FSIP2: variants seen among roughly 807,000 people sequenced by gnomAD.
FSIP2 encodes the protein fibrous sheath interacting protein 2, also known as fibrous sheath-interacting protein 2.
In FSIP2, 367 loss-of-function variants were observed where a neutral mutation model predicts 510.5. That is an observed-to-expected ratio of 0.72 (90% CI 0.66 to 0.78). The LOEUF is 0.78. Among genes scored for constraint, FSIP2 ranks in the 30% least tolerant of loss-of-function variants. The probability of loss-of-function intolerance (pLI) is 0.00; values close to 1 mark genes in which losing one functional copy is unlikely to be tolerated. For synonymous variants in FSIP2, 2,601 were observed against 2,732.2 expected, an observed-to-expected ratio of 0.95 and a Z score of 1.50; for missense variants, 7,594 against 7,901.7, an observed-to-expected ratio of 0.96 and a Z score of 1.48.
intron 17 of FSIP2, among the ~76,000 whole-genome samples, chr2:185,811,455 C>T (rs938345846): frequency 2.2e-5 from 3 of 137,496 alleles, no homozygotes; most frequent in South Asian, 2.2e-4. Context: ...GGTGACAAAG[C>T]GAGACTCCAC....
chr2:185,801,249 A>G lies in FSIP2; in HGVS notation c.11943A>G (p.Ser3981=). 6.5e-7 allele frequency: 1 copy of G among 1,534,214 alleles called. No homozygotes were observed. The highest frequency in any genetic ancestry group is 8.7e-7 in the Non-Finnish European group (1 of 1,145,580). ...CCACATTTTTGGAAGGAATAATTTC[A>G]GAATTGTTTTTTAATCTCTCTATGT... The part of the protein sequence containing the change: ...YSATFLEGII[S]ELFFNLSMSL... Residue 3981 remains serine (S), a synonymous_variant, in exon 17 of 23, where the codon TCA becomes TCG. Coordinates refer to ENST00000424728, the MANE Select transcript of FSIP2 (RefSeq NM_173651.4).
chr2:185,829,899 C>T (rs1394680175), intron 21 of FSIP2, among the ~76,000 whole-genome samples: 1 of 151,822 alleles, frequency 6.6e-6, no homozygotes, highest in East Asian at 2.0e-4. Flanking sequence ...GAAAGAGGAA[C>T]CTCAAAAATC....
At chr2:185,761,173 A>G (rs1169646996) in intron 10 of FSIP2, 70 bp downstream of exon 10, 3 of 587,054 alleles carry the variant, frequency 5.1e-6, no homozygotes, top group Non-Finnish European at 8.6e-6. Context: ...ATTTCTATGA[A>G]CTCTCTCCTT....
At chr2:185,814,181 G>A in intron 18 of FSIP2, 139 bp downstream of exon 18, 4 of 848,592 alleles carry the variant, frequency 4.7e-6, no homozygotes, top group East Asian at 2.7e-5. Context: ...ACAGGATAAG[G>A]GAAATTATTA....
At chr2:185,818,976 A>G (rs1371154902) in intron 19 of FSIP2, among the ~76,000 whole-genome samples, 2 of 151,914 alleles carry the variant, frequency 1.3e-5, no homozygotes, top group African/African-American at 2.4e-5. Context: ...TTTATTTTCT[A>G]AAGGATTTAA....
chr2:185,769,494 TAA>T (rs1161115026), intron 13 of FSIP2, among the ~76,000 whole-genome samples: 1 of 152,174 alleles, frequency 6.6e-6, no homozygotes, highest in Non-Finnish European at 1.5e-5. Context: ...CTTATAAATT[TAA>T]GTTACTTACA....
intron 8 of FSIP2, among the ~76,000 whole-genome samples, chr2:185,755,112 A>T (rs1350156826): frequency 6.6e-6 from 1 of 151,482 alleles, no homozygotes; most frequent in Admixed American, 6.6e-5. Context: ...TGTAAATTAC[A>T]TGCCAAAAAG....
intron 18 of FSIP2, 43 bp downstream of exon 18, chr2:185,814,085 A>G (rs374198639): frequency 1.3e-6 from 2 of 1,542,856 alleles, no homozygotes; most frequent in Admixed American, 2.0e-5. Context: ...AAGGGGAGAC[A>G]TCTTCACAAA....
At chr2:185,747,216 G>T in intron 6 of FSIP2, 97 bp from the exon 7 acceptor site, 1 of 669,244 alleles carries the variant, frequency 1.5e-6, no homozygotes, top group Non-Finnish European at 2.6e-6. Context: ...TTTCTGTTAG[G>T]CCCTGACTTG....
At chr2:185,777,821 C>T (rs1231898747) in intron 13 of FSIP2, among the ~76,000 whole-genome samples, 2 of 152,044 alleles carry the variant, frequency 1.3e-5, no homozygotes, top group Non-Finnish European at 2.9e-5. Context: ...TTTCCTTTCT[C>T]ATAGTATCCT....
intron 9 of FSIP2, among the ~76,000 whole-genome samples, chr2:185,758,961 A>G (rs1692297417): frequency 6.6e-6 from 1 of 151,154 alleles, no homozygotes; most frequent in Admixed American, 6.6e-5. Flanking sequence ...TTGCATTTCT[A>G]TACAAATTTT....
chr2:185,802,760 C>A lies in FSIP2; in HGVS notation c.13454C>A (p.Ser4485Tyr). The stretch of plus-strand genomic sequence containing the variant: ...TTATCTAAATTATTTTCTTCTGCAT[C>A]TAGCCTGGTTCTAAACAGAGACACC... ...VLLSKLFSSA[S>Y]SLVLNRDTQK... The change falls in exon 17 of 23, where the codon TCT becomes TAT. Residue 4485 changes from serine to tyrosine, a missense_variant. Coordinates refer to ENST00000424728, the MANE Select transcript of FSIP2 (RefSeq NM_173651.4). 1 of 1,512,890 alleles carries A rather than the reference C, an allele frequency of 6.6e-7. No individual in the cohort carries two copies. Among genetic ancestry groups the A allele is most frequent in the Non-Finnish European group, 8.8e-7 (1 of 1,138,276 alleles). The allele number at this position is 1,512,890 out of a possible 1,614,324, so 93.7% of individuals were successfully genotyped here. A position where few individuals can be genotyped will look rare whatever the true frequency, so the allele number is the denominator to read the frequency against.
In FSIP2 at chr2:185,806,826, AG is replaced by A; in HGVS notation, c.17521del (p.Asp5841MetfsTer44). Reference protein sequence around the residue: ...LINSLLKEFSDAQIKVFRPDK... With the variant: ...LINSLLKEFSXAQIKVFRPDK... ...TCAATTCACTGTTAAAGGAGTTCTC[AG>A]ATGCTCAAATTAAGGTTTTCAGGCC... On this transcript the variant is annotated frameshift_variant, in exon 17 of 23. Coordinates refer to ENST00000424728, the MANE Select transcript of FSIP2 (RefSeq NM_173651.4). LOFTEE classifies it high-confidence loss of function. 1 of 1,610,282 alleles carries A rather than the reference AG, an allele frequency of 6.2e-7. No homozygotes were observed. Among genetic ancestry groups the A allele is most frequent in the Non-Finnish European group, 8.5e-7 (1 of 1,178,398 alleles).
In FSIP2 at chr2:185,803,284, G is replaced by A; in HGVS notation, c.13978G>A (p.Glu4660Lys). The A allele has an allele frequency of 6.5e-7, 1 of 1,526,732 alleles. No homozygotes were observed. The highest frequency in any genetic ancestry group is 8.8e-7 in the Non-Finnish European group (1 of 1,142,722). The allele number at this position is 1,526,732 out of a possible 1,614,324, so 94.6% of individuals were successfully genotyped here. A position where few individuals can be genotyped will look rare whatever the true frequency, so the allele number is the denominator to read the frequency against. The change falls in exon 17 of 23, where the codon GAA (glutamate) becomes AAA (lysine). Residue 4660 changes from glutamate to lysine, a missense_variant. Transcript: ENST00000424728. ...AGATGAACTGTTTGAGAAAGCTGAA[G>A]AACTCATACATTTGATTACAGGGGA... ...SEDELFEKAE[E>K]LIHLITGEFS...
intron 21 of FSIP2, among the ~76,000 whole-genome samples, chr2:185,830,948 A>C (rs1486302711): frequency 6.6e-6 from 1 of 151,936 alleles, no homozygotes; most frequent in Non-Finnish European, 1.5e-5. Context: ...GCTTAAGTTG[A>C]GAATCAGTAC....
intron 12 of FSIP2, among the ~76,000 whole-genome samples, chr2:185,764,005 T>G (rs965117678): frequency 6.6e-6 from 1 of 151,672 alleles, no homozygotes; most frequent in Non-Finnish European, 1.5e-5. Context: ...ACATTAAATA[T>G]GCTAAGAATA....
At position 185,743,143 on chromosome 2, in the gene FSIP2, C is replaced by T. The variant is rs986211529; in HGVS notation, c.236C>T (p.Pro79Leu). ...TTNFGEKLFR[P>L]SYGFNLTDPY... ...AATCTGTGTTTGCAGCTTTTTCGAC[C>T]TTCTTATGGTTTTAACCTGACTGAT... The change falls in exon 3 of 23, where the codon CCT becomes CTT. Residue 79 changes from proline (P) to leucine (L), a missense_variant. Physicochemically the swap from Pro to Leu is moderately conservative, Grantham distance 98 (BLOSUM62 -3). Coordinates refer to ENST00000424728, the MANE Select transcript of FSIP2 (RefSeq NM_173651.4). 9 of 1,469,440 alleles carry T rather than the reference C, an allele frequency of 6.1e-6. No individual in the cohort carries two copies. Among genetic ancestry groups the T allele is most frequent in the Non-Finnish European group, 8.0e-6 (9 of 1,121,336 alleles). The allele number at this position is 1,469,440 out of a possible 1,614,324, so 91.0% of individuals were successfully genotyped here.
chr2:185,760,311 A>G (rs1692324067), intron 9 of FSIP2, among the ~76,000 whole-genome samples: 2 of 150,390 alleles, frequency 1.3e-5, no homozygotes, highest in South Asian at 4.1e-4. Context: ...AAATGGTACA[A>G]CGACATTGAA....
At position 185,791,779 on chromosome 2, in the gene FSIP2, A is replaced by G; in HGVS notation, c.4643A>G (p.Asp1548Gly). The change falls in exon 16 of 23, where the codon GAC becomes GGC. Residue 1548 changes from aspartate (D) to glycine (G), a missense_variant. Transcript: ENST00000424728. The part of the protein sequence containing the change: ...SSIVSRRVQE[D>G]NKEETKSKAK... ...ATAGTTTCCAGAAGGGTTCAGGAGG[A>G]CAATAAAGAAGAGACTAAAAGCAAG... The G allele has an allele frequency of 6.5e-7, 1 of 1,534,552 alleles. No individual in the cohort carries two copies. The highest frequency in any genetic ancestry group is 1.2e-5 in the South Asian group (1 of 84,018).
Sources: gnomAD v4.1 joint callset for allele counts (sites outside exome capture counted in the v4.1 genomes callset) on GRCh38, gnomAD v4.1.1 for gene constraint, MANE v1.5 for transcripts, NCBI Gene and HGNC (gene_info 2026-07-23, HGNC 2026-07-21) for gene names.